Variants in TNFRSF8 observed in about 807,000 individuals in gnomAD.
TNFRSF8 encodes TNF receptor superfamily member 8.
A neutral mutation model predicts 70.8 loss-of-function variants in TNFRSF8; 26 were observed. The observed-to-expected ratio is 0.37, with a 90% CI of 0.27 to 0.51. The LOEUF is 0.51. Among genes scored for constraint, TNFRSF8 ranks in the 20% least tolerant of loss-of-function variants. TNFRSF8 has a pLI of 0.94. For synonymous variants in TNFRSF8, 356 were observed against 339.2 expected (o/e 1.05, Z -0.54); for missense variants, 720 against 807.9 (o/e 0.89, Z 1.32).
chr1:12,071,584 T>TGAAC (rs1640845944), intron 1 of TNFRSF8, among the ~76,000 whole-genome samples: 1 of 152,126 alleles, frequency 6.6e-6, no homozygotes. Flanking sequence ...GAACTCTCCT[T>TGAAC]CCATCCTCAC....
intron 2 of TNFRSF8, 140 bp from the exon 3 acceptor site, chr1:12,096,961 A>G: frequency 1.6e-6 from 1 of 636,212 alleles, no homozygotes; most frequent in South Asian, 2.0e-5. Context: ...TTCCATCCAT[A>G]ACACAAGAAT....
At chr1:12,122,321 C>T (rs1234869950) in intron 8 of TNFRSF8, among the ~76,000 whole-genome samples, 1 of 151,882 alleles carries the variant, frequency 6.6e-6, no homozygotes, top group African/African-American at 2.4e-5. Flanking sequence ...GGGAGCCACC[C>T]TACCCTGCCA....
intron 8 of TNFRSF8, among the ~76,000 whole-genome samples, chr1:12,122,844 A>G (rs1295951248): frequency 6.6e-6 from 1 of 151,652 alleles, no homozygotes; most frequent in Non-Finnish European, 1.5e-5. Flanking sequence ...ACTTTGTTTT[A>G]TTTATTTTGA....
At chr1:12,067,790 G>C (rs902670590) in intron 1 of TNFRSF8, among the ~76,000 whole-genome samples, 1 of 151,846 alleles carries the variant, frequency 6.6e-6, no homozygotes, top group Non-Finnish European at 1.5e-5. Flanking sequence ...AGTGCTAATC[G>C]TGGAATTTCA....
intron 7 of TNFRSF8, among the ~76,000 whole-genome samples, chr1:12,114,911 G>A (rs1360192018): frequency 2.6e-5 from 4 of 151,902 alleles, no homozygotes; most frequent in African/African-American, 9.7e-5. Flanking sequence ...GTTTCACCAT[G>A]TTGGTCAGGC....
intron 12 of TNFRSF8, among the ~76,000 whole-genome samples, chr1:12,132,369 C>T (rs1375405850): frequency 6.6e-6 from 1 of 152,248 alleles, no homozygotes; most frequent in African/African-American, 2.4e-5. Flanking sequence ...GTGGCCGTTT[C>T]TCAGATCTTG....
At position 12,088,911 on chromosome 1, in the gene TNFRSF8, G is replaced by C. The variant is rs1224177424; in HGVS notation, c.151+4360G>C. 6.6e-6 allele frequency among the ~76,000 whole-genome samples: 1 copy of C among 152,012 alleles called. No individual in the cohort carries two copies. Among genetic ancestry groups the C allele is most frequent in the Non-Finnish European group, 1.5e-5 (1 of 67,990 alleles). On this transcript the variant is annotated intron_variant, in intron 2 of 14. Transcript: ENST00000263932. This position sits in a 1 kb window ranked among gnomAD's most constrained non-coding sequence, Gnocchi z 4.0. Reference sequence around the variant, plus strand: ...CCCCGCCCAGTCCCTCTTCATCCTGGGCTTCAGCTGAGTGTGCTGGGCTCC... The same window carrying C: ...CCCCGCCCAGTCCCTCTTCATCCTGCGCTTCAGCTGAGTGTGCTGGGCTCC...
chr1:12,063,443 T>C lies in TNFRSF8; in HGVS notation c.-156T>C. 2.0e-6 allele frequency: 1 copy of C among 506,630 alleles called. No individual in the cohort carries two copies. Among genetic ancestry groups the C allele is most frequent in the South Asian group, 8.8e-5 (1 of 11,332 alleles). 31.4% of individuals were successfully genotyped at this position (506,630 alleles called of 1,614,324 possible). A position where few individuals can be genotyped will look rare whatever the true frequency, so the allele number is the denominator to read the frequency against. Reference sequence around the variant, plus strand: ...TTTTGAAGTGACTTCGCGGCGTGCGTTGGGTGCGGACTAGGTGGCCGCGGC... The same window carrying C: ...TTTTGAAGTGACTTCGCGGCGTGCGCTGGGTGCGGACTAGGTGGCCGCGGC... On this transcript the variant is annotated 5_prime_UTR_variant, in exon 1 of 15. Coordinates refer to ENST00000263932, the MANE Select transcript of TNFRSF8 (RefSeq NM_001243.5). This position sits in a 1 kb window ranked among gnomAD's most constrained non-coding sequence, Gnocchi z 7.2.
At chr1:12,085,380 G>A (rs1274312069) in intron 2 of TNFRSF8, among the ~76,000 whole-genome samples, 7 of 152,182 alleles carry the variant, frequency 4.6e-5, no homozygotes, top group Admixed American at 4.6e-4. Flanking sequence ...AAAGTGCTGG[G>A]ATTACAGGCA....
intron 14 of TNFRSF8, among the ~76,000 whole-genome samples, chr1:12,139,906 G>A (rs1642222110): frequency 6.6e-6 from 1 of 152,224 alleles, no homozygotes; most frequent in East Asian, 1.9e-4. Context: ...CAAAGTACTG[G>A]GATTATAGGC....
Position 12,110,330 on chromosome 1 carries a change from G to A in TNFRSF8, c.676+126G>A, listed in dbSNP as rs927615920. The A allele has an allele frequency of 7.0e-6, 7 of 1,005,022 alleles. No individual in the cohort carries two copies. The highest frequency in any genetic ancestry group is 3.7e-5 in the South Asian group (2 of 54,772). 62.3% of individuals were successfully genotyped at this position (1,005,022 alleles called of 1,614,324 possible). ...TCTTTTCCTGGTGGGGAGAGAAGACGGTGGTAAGGTATGATCTAGGGCTGA... is the reference window on the plus strand; with the variant it reads ...TCTTTTCCTGGTGGGGAGAGAAGACAGTGGTAAGGTATGATCTAGGGCTGA... On this transcript the variant is annotated intron_variant, in intron 6 of 14. Transcript: ENST00000263932. The surrounding 1 kb of genome is among the most constrained non-coding windows in gnomAD (Gnocchi z 4.0).
At chr1:12,123,851 C>T (rs1030099838) in intron 10 of TNFRSF8, 24 bp downstream of exon 10, 1 of 1,539,238 alleles carries the variant, frequency 6.5e-7, no homozygotes, top group East Asian at 2.4e-5. Context: ...CCCACTCACC[C>T]CTACTCCCAG....
intron 1 of TNFRSF8, among the ~76,000 whole-genome samples, chr1:12,065,410 C>T (rs1477220641): frequency 6.6e-6 from 1 of 152,096 alleles, no homozygotes; most frequent in Non-Finnish European, 1.5e-5. Context: ...AATAAAAATA[C>T]TATATATTTA....
rs1181855044 is a variant in TNFRSF8 at position 12,143,573 on chromosome 1, A to G, written c.*1042A>G. The G allele has an allele frequency of 6.6e-6, 1 of 152,190 alleles. No individual in the cohort carries two copies. Among genetic ancestry groups the G allele is most frequent in the Non-Finnish European group, 1.5e-5 (1 of 68,094 alleles). 9.4% of individuals were successfully genotyped at this position (152,190 alleles called of 1,614,324 possible). ...TGGGGTGTGGATGTCGAGAGGCACC[A>G]CGGCCTCACCCAGGCATCTGCTTTA... On this transcript the variant is annotated 3_prime_UTR_variant, in exon 15 of 15. Coordinates refer to ENST00000263932, the MANE Select transcript of TNFRSF8 (RefSeq NM_001243.5). This position sits in a 1 kb window ranked among gnomAD's most constrained non-coding sequence, Gnocchi z 4.1.
chr1:12,107,479 G>A (rs1339405856), intron 4 of TNFRSF8, among the ~76,000 whole-genome samples: 2 of 152,036 alleles, frequency 1.3e-5, no homozygotes, highest in African/African-American at 2.4e-5. Flanking sequence ...ACTGGATTTC[G>A]AAAACTTAGT....
In TNFRSF8 at chr1:12,138,113, C is replaced by T; in HGVS notation, c.1336-116C>T. The stretch of plus-strand genomic sequence containing the variant: ...GGGCAGCTCATGGCAGCTTTTAAAG[C>T]AGAAAGGGGGACTCACTGGGGTCTG... On this transcript the variant is annotated intron_variant, in intron 13 of 14. Transcript: ENST00000263932. The surrounding 1 kb of genome is among the most constrained non-coding windows in gnomAD (Gnocchi z 5.7). 5 of 1,078,328 alleles carry T rather than the reference C, an allele frequency of 4.6e-6. No individual in the cohort carries two copies. Among genetic ancestry groups the T allele is most frequent in the Non-Finnish European group, 6.6e-6 (5 of 761,312 alleles). 66.8% of individuals were successfully genotyped at this position (1,078,328 alleles called of 1,614,324 possible). A position where few individuals can be genotyped will look rare whatever the true frequency, so the allele number is the denominator to read the frequency against.
At chr1:12,080,534 G>C in intron 1 of TNFRSF8, 1 of 448,766 alleles carries the variant, frequency 2.2e-6, no homozygotes, top group South Asian at 1.7e-5. Flanking sequence ...GCTCTTTCGA[G>C]GATATTTGGG....
intron 1 of TNFRSF8, among the ~76,000 whole-genome samples, chr1:12,078,754 C>T (rs920125613): frequency 6.6e-6 from 1 of 152,204 alleles, no homozygotes. Flanking sequence ...GTCTCAGTCT[C>T]CCCCATCTGT....
chr1:12,137,722 G>A (rs557636814), intron 13 of TNFRSF8, among the ~76,000 whole-genome samples: 9 of 152,128 alleles, frequency 5.9e-5, no homozygotes, highest in African/African-American at 1.9e-4. Flanking sequence ...CCAGGATGTC[G>A]GGGCTGGGGA....
Sources: allele counts gnomAD v4.1 joint callset (sites outside exome capture counted in the v4.1 genomes callset), GRCh38; gene constraint gnomAD v4.1.1; non-coding constraint Gnocchi (gnomAD v3.1); transcripts MANE v1.5; gene names NCBI Gene and HGNC (gene_info 2026-07-23, HGNC 2026-07-21).